The following PARP1 variants were observed in gnomAD, a reference collection of about 807,000 sequenced individuals.
PARP1 encodes poly [ADP-ribose] polymerase 1.
In PARP1, 44 loss-of-function variants were observed where a neutral mutation model predicts 118.7. That is an observed-to-expected ratio of 0.37 (90% CI 0.29 to 0.48). The LOEUF is 0.48. Among genes scored for constraint, PARP1 ranks in the 20% least tolerant of loss-of-function variants. The pLI, the probability that PARP1 is intolerant of heterozygous loss-of-function variation, is 0.99. For missense variants in PARP1, 1,100 were observed against 1,272.4 expected, an observed-to-expected ratio of 0.86 and a Z score of 2.06; for synonymous variants, 492 against 483.2, an observed-to-expected ratio of 1.02 and a Z score of -0.24.
At chr1:226,383,241 TAG>T in intron 7 of PARP1, 58 bp from the exon 8 acceptor site, 1 of 1,385,156 alleles carries the variant, frequency 7.2e-7, no homozygotes, top group Non-Finnish European at 1.0e-6. Context: ...AACCACCCCA[TAG>T]ACCAAAGAGG....
chr1:226,369,800 CAAA>C (rs1664341762), intron 15 of PARP1, among the ~76,000 whole-genome samples: 1 of 151,662 alleles, frequency 6.6e-6, no homozygotes, highest in African/African-American at 2.4e-5. Context: ...ACTAAAAATA[CAAA>C]AAAATTAGCC....
intron 6 of PARP1, 33 bp downstream of exon 6, chr1:226,386,293 A>G (rs771644326): frequency 2.2e-6 from 3 of 1,339,964 alleles, no homozygotes; most frequent in Non-Finnish European, 3.2e-6. Context: ...TCGGCCTCAC[A>G]TGCGTGTCCC....
chr1:226,370,863 C>A (rs1664369922), intron 14 of PARP1: 1 of 317,222 alleles, frequency 3.2e-6, no homozygotes, highest in South Asian at 3.3e-5. Flanking sequence ...ATAAATCATG[C>A]TGACCACCCC....
rs1210041549 is a variant in PARP1 at position 226,366,045 on chromosome 1, T to A, written c.2414A>T (p.Asp805Val). The stretch of plus-strand genomic sequence containing the variant: ...GATCTCGGCTTCTTCAGAATCTCTG[T>A]CAACCACCTGGATAAACAGAATCTT... Reference protein sequence around the residue: ...EKLKTDIKVVDRDSEEAEIIR... With the variant: ...EKLKTDIKVVVRDSEEAEIIR... Residue 805 changes from aspartate (D) to valine (V), a missense_variant, in exon 18 of 23, where the codon GAC becomes GTC. Physicochemically the swap from Asp to Val is radical, Grantham distance 152. Transcript: ENST00000366794. 1 of 1,609,704 alleles carries A rather than the reference T, an allele frequency of 6.2e-7. No homozygotes were observed. The highest frequency in any genetic ancestry group is 8.5e-7 in the Non-Finnish European group (1 of 1,176,140).
At position 226,363,944 on chromosome 1, in the gene PARP1, T is replaced by G; in HGVS notation, c.2785A>C (p.Met929Leu). ...ILLGEVALGN[M>L]YELKHASHIS... ...AGTCCCAGAGCCAGGTTTACTCACA[T>G]GTTTCCAAGGGCAACTTCTCCCAAC... Residue 929 changes from methionine to leucine, a missense_variant and splice_region_variant, in exon 20 of 23, where the codon ATG becomes CTG. Coordinates refer to ENST00000366794, the MANE Select transcript of PARP1 (RefSeq NM_001618.4). The G allele has an allele frequency of 6.2e-7, 1 of 1,613,848 alleles. No homozygotes were observed. Among genetic ancestry groups the G allele is most frequent in the Non-Finnish European group, 8.5e-7 (1 of 1,179,920 alleles).
At chr1:226,363,768 C>T (rs920094563) in intron 20 of PARP1, among the ~76,000 whole-genome samples, 175 bp downstream of exon 20, 2 of 152,160 alleles carry the variant, frequency 1.3e-5, no homozygotes, top group Non-Finnish European at 2.9e-5. Context: ...CTTGTATCTC[C>T]CTTGTTCCCT....
At chr1:226,365,778 CA>C (rs796563980) in intron 18 of PARP1, among the ~76,000 whole-genome samples, 175 bp downstream of exon 18, 16 of 41,662 alleles carry the variant, frequency 3.8e-4, no homozygotes, top group African/African-American at 1.7e-3. Context: ...AAAAAAAAAA[CA>C]AAAAACAAAC....
At chr1:226,382,305 G>A (rs1417227705) in intron 8 of PARP1, among the ~76,000 whole-genome samples, 1 of 152,184 alleles carries the variant, frequency 6.6e-6, no homozygotes, top group Non-Finnish European at 1.5e-5. Context: ...CACTAGTGCT[G>A]ATTAGTAACT....
chr1:226,371,868 G>A (rs1664388830), intron 14 of PARP1, among the ~76,000 whole-genome samples: 1 of 101,138 alleles, frequency 9.9e-6, no homozygotes, highest in Admixed American at 9.4e-5. Context: ...CATACGCACA[G>A]ACTAAAAATA....
intron 5 of PARP1, among the ~76,000 whole-genome samples, chr1:226,387,172 G>A (rs1379317772): frequency 1.3e-5 from 2 of 152,060 alleles, no homozygotes; most frequent in South Asian, 2.1e-4. Context: ...TAATAGAAAC[G>A]GTGTTTCACC....
intron 1 of PARP1, among the ~76,000 whole-genome samples, chr1:226,407,378 A>AC (rs1558245318): frequency 2.1e-5 from 3 of 141,032 alleles, no homozygotes; most frequent in African/African-American, 7.9e-5. Flanking sequence ...GTTTAACAAA[A>AC]AAAAAAAAAA....
At chr1:226,382,767 C>A (rs1049473687) in intron 8 of PARP1, among the ~76,000 whole-genome samples, 3 of 152,202 alleles carry the variant, frequency 2.0e-5, no homozygotes, top group African/African-American at 4.8e-5. Flanking sequence ...ATTCTTTTGC[C>A]TCAGCTTCCT....
At chr1:226,363,062 G>A in intron 21 of PARP1, 37 bp downstream of exon 21, 2 of 1,501,890 alleles carry the variant, frequency 1.3e-6, no homozygotes, top group South Asian at 1.1e-5. Flanking sequence ...TGTCCAGGGT[G>A]CCTCGGGCTG....
intron 17 of PARP1, chr1:226,367,118 A>G (rs958947835): frequency 6.3e-6 from 2 of 318,170 alleles, no homozygotes; most frequent in African/African-American, 2.1e-5. Flanking sequence ...CTAAAAGTTC[A>G]CGCTACAAGG....
intron 17 of PARP1, 96 bp downstream of exon 17, chr1:226,367,381 TAAC>T: frequency 6.9e-7 from 1 of 1,457,706 alleles, no homozygotes; most frequent in Non-Finnish European, 9.6e-7. Context: ...ACCTGTGTTT[TAAC>T]AAGCTTTCCA....
At chr1:226,380,746 A>G (rs1664587772) in intron 9 of PARP1, among the ~76,000 whole-genome samples, 1 of 152,222 alleles carries the variant, frequency 6.6e-6, no homozygotes, top group Non-Finnish European at 1.5e-5. Flanking sequence ...GAAATGCTCC[A>G]ATGAACATTT....
intron 15 of PARP1, among the ~76,000 whole-genome samples, chr1:226,370,014 G>A (rs1276231471): frequency 2.7e-5 from 4 of 148,724 alleles, no homozygotes; most frequent in African/African-American, 5.0e-5. Context: ...CTCAGGATGC[G>A]AGACCCACAG....
chr1:226,378,820 G>A (rs1473508243), intron 12 of PARP1, among the ~76,000 whole-genome samples: 1 of 152,178 alleles, frequency 6.6e-6, no homozygotes, highest in East Asian at 1.9e-4. Context: ...GGGTAACAGA[G>A]CGAGACTATT....
At position 226,389,073 on chromosome 1, in the gene PARP1, T is replaced by TA. The variant is rs1042972381; in HGVS notation, c.618-319dup. ...CCAGGGCTCAGACCCCGTCTGAGGT[T>TA]AAAAAAAAAAAAGAAACCCATGTAT... On this transcript the variant is annotated intron_variant, in intron 4 of 22. Coordinates refer to ENST00000366794, the MANE Select transcript of PARP1 (RefSeq NM_001618.4). 8.8e-3 allele frequency among the ~76,000 whole-genome samples: 1,264 copies of TA among 144,098 alleles called. 23 individuals are homozygous for TA. Among genetic ancestry groups the TA allele is most frequent in the African/African-American group, 0.029 (1,120 of 39,234 alleles). 94.5% of individuals were successfully genotyped at this position (144,098 alleles called of 152,430 possible). A position where few individuals can be genotyped will look rare whatever the true frequency, so the allele number is the denominator to read the frequency against.
Sources: gnomAD v4.1 joint callset for allele counts (sites outside exome capture counted in the v4.1 genomes callset) on GRCh38, gnomAD v4.1.1 for gene constraint, MANE v1.5 for transcripts, NCBI Gene and HGNC (gene_info 2026-07-23, HGNC 2026-07-21) for gene names.